KCNH5: variants seen among roughly 807,000 people sequenced by gnomAD.
The protein encoded by KCNH5 is voltage-gated delayed rectifier potassium channel KCNH5.
In KCNH5, 46 loss-of-function variants were observed where a neutral mutation model predicts 96.1. That is an observed-to-expected ratio of 0.48 (90% CI 0.38 to 0.61). KCNH5 has a LOEUF of 0.61. Among genes scored for constraint, KCNH5 ranks in the 20% least tolerant of loss-of-function variants. The pLI is 0.00. For missense variants in KCNH5, 907 were observed against 1,225.8 expected, an observed-to-expected ratio of 0.74 and a Z score of 3.88; for synonymous variants, 439 against 449.8, an observed-to-expected ratio of 0.98 and a Z score of 0.30.
At chr14:62,714,532 CAAAAAG>C (rs1884643172) in intron 10 of KCNH5, among the ~76,000 whole-genome samples, 1 of 152,070 alleles carries the variant, frequency 6.6e-6, no homozygotes, top group African/African-American at 2.4e-5. Context: ...AATTGTAACT[CAAAAAG>C]TAAAATGTCT....
At chr14:63,006,118 T>G (rs1891120550) in intron 3 of KCNH5, among the ~76,000 whole-genome samples, 1 of 152,332 alleles carries the variant, frequency 6.6e-6, no homozygotes, top group Non-Finnish European at 1.5e-5. Flanking sequence ...TTACAAAATA[T>G]TTTGCTGCCT....
chr14:62,802,488 T>A lies in KCNH5; in HGVS notation c.1663A>T (p.Ser555Cys). 6.2e-7 allele frequency: 1 copy of A among 1,614,110 alleles called. No homozygotes were observed. The highest frequency in any genetic ancestry group is 1.1e-5 in the South Asian group (1 of 91,088). Reference sequence around the variant, plus strand: ...GCCAAGGCGCGCAGACACCCATCGCTGGCCAATCGAAAAGCAGGATGTTCA... The same window carrying A: ...GCCAAGGCGCGCAGACACCCATCGCAGGCCAATCGAAAAGCAGGATGTTCA... ...FNEHPAFRLA[S>C]DGCLRALAVE... The change falls in exon 9 of 11, where the codon AGC becomes TGC. Residue 555 changes from serine (S) to cysteine (C), a missense_variant. Transcript: ENST00000322893.
At chr14:62,924,818 A>T (rs1318453225) in intron 7 of KCNH5, among the ~76,000 whole-genome samples, 1 of 151,870 alleles carries the variant, frequency 6.6e-6, no homozygotes, top group Non-Finnish European at 1.5e-5. Context: ...AAGTGGGGGA[A>T]ATGGGGAGAT....
intron 6 of KCNH5, among the ~76,000 whole-genome samples, chr14:62,955,794 A>T (rs1258874049): frequency 6.6e-6 from 1 of 152,172 alleles, no homozygotes; most frequent in Non-Finnish European, 1.5e-5. Flanking sequence ...TATAGTCTGC[A>T]GTTCTCTAAC....
intron 8 of KCNH5, among the ~76,000 whole-genome samples, chr14:62,829,616 A>G (rs958791154): frequency 3.3e-5 from 5 of 152,180 alleles, no homozygotes; most frequent in Admixed American, 3.3e-4. Context: ...GCAGGGCACC[A>G]TGTCCTGAGG....
At chr14:62,867,923 T>C (rs1413545906) in intron 7 of KCNH5, among the ~76,000 whole-genome samples, 1 of 152,208 alleles carries the variant, frequency 6.6e-6, no homozygotes, top group Non-Finnish European at 1.5e-5. Context: ...GCCATGCACA[T>C]AACCTGCTTT....
At chr14:62,789,153 A>G (rs1386807534) in intron 9 of KCNH5, among the ~76,000 whole-genome samples, 2 of 152,066 alleles carry the variant, frequency 1.3e-5, no homozygotes, top group African/African-American at 4.8e-5. Flanking sequence ...TTTTAAAAAG[A>G]TTCTACATAT....
chr14:62,773,054 C>T (rs926656012), intron 10 of KCNH5, among the ~76,000 whole-genome samples: 4 of 152,158 alleles, frequency 2.6e-5, no homozygotes, highest in Non-Finnish European at 4.4e-5. Flanking sequence ...TTATCCTTCC[C>T]TATTAAAAAT....
intron 6 of KCNH5, among the ~76,000 whole-genome samples, chr14:62,975,790 TA>T (rs766755787): frequency 4.6e-5 from 7 of 151,910 alleles, no homozygotes; most frequent in Non-Finnish European, 1.0e-4. Flanking sequence ...AAAAGGCATT[TA>T]AAAATAGAAA....
In KCNH5 at chr14:62,980,915, C is replaced by T. The variant is rs753919757; in HGVS notation, c.899G>A (p.Cys300Tyr). The change falls in exon 6 of 11, where the codon TGT becomes TAT. Residue 300 changes from cysteine (C) to tyrosine (Y), a missense_variant. Coordinates refer to ENST00000322893, the MANE Select transcript of KCNH5 (RefSeq NM_139318.5). ...GGCATTGATGATGTCATAAGGTAAA[C>T]AAGACAGCAGATCGATCACAAACCA... ...KTWFVIDLLSCLPYDIINAFE... is the reference protein window; with the variant it reads ...KTWFVIDLLSYLPYDIINAFE... 5.0e-6 allele frequency: 8 copies of T among 1,613,926 alleles called. No homozygotes were observed.
rs1214649459 is a variant in KCNH5, at chr14:62,704,263, T to C, written c.*3245A>G. The stretch of plus-strand genomic sequence containing the variant: ...AGGACATTTTTAGTCCTATACTTAA[T>C]GCAAGATGCAACTAGTGTCATAAAA... On this transcript the variant is annotated 3_prime_UTR_variant, in exon 11 of 11. Transcript: ENST00000322893. The C allele has an allele frequency of 1.3e-5, 2 of 151,900 alleles. No homozygotes were observed. The highest frequency in any genetic ancestry group is 2.1e-4 in the South Asian group (1 of 4,832). The allele number at this position is 151,900 out of a possible 1,614,324, so 9.4% of individuals were successfully genotyped here.
intron 1 of KCNH5, 81 bp downstream of exon 1, chr14:63,045,033 G>T: frequency 1.8e-6 from 2 of 1,121,994 alleles, no homozygotes; most frequent in Non-Finnish European, 2.7e-6. Context: ...CCCCCCTTGG[G>T]AGAGGGATGG....
chr14:62,927,124 G>C (rs1179492844), intron 7 of KCNH5, among the ~76,000 whole-genome samples: 1 of 152,074 alleles, frequency 6.6e-6, no homozygotes, highest in Non-Finnish European at 1.5e-5. Flanking sequence ...TATACAAAAA[G>C]CCAATAGTCA....
At position 62,704,469 on chromosome 14, in the gene KCNH5, A is replaced by G. The variant is rs1266938386; in HGVS notation, c.*3039T>C. 1 of 151,900 alleles carries G rather than the reference A, an allele frequency of 6.6e-6. No homozygotes were observed. The highest frequency in any genetic ancestry group is 1.5e-5 in the Non-Finnish European group (1 of 67,824). The allele number at this position is 151,900 out of a possible 1,614,324, so 9.4% of individuals were successfully genotyped here. A position where few individuals can be genotyped will look rare whatever the true frequency, so the allele number is the denominator to read the frequency against. ...CTGCTAGATCACATTTAGTGCAACA[A>G]TATCCTGATACAGACTGATAAAACC... On this transcript the variant is annotated 3_prime_UTR_variant, in exon 11 of 11. Transcript: ENST00000322893.
chr14:62,721,499 G>GCTCT (rs10567188), intron 10 of KCNH5, among the ~76,000 whole-genome samples: 52,248 of 149,010 alleles, frequency 0.35, 9,602 homozygotes, highest in South Asian at 0.52. Context: ...TCACTCACTC[G>GCTCT]CTCTCTCTCT....
At chr14:62,983,529 G>T (rs943811842) in intron 5 of KCNH5, among the ~76,000 whole-genome samples, 15 of 151,898 alleles carry the variant, frequency 9.9e-5, no homozygotes, top group African/African-American at 3.4e-4. Flanking sequence ...AATAGAAATT[G>T]AAACATCCTA....
intron 7 of KCNH5, among the ~76,000 whole-genome samples, chr14:62,934,140 T>C (rs947963090): frequency 3.3e-4 from 50 of 150,132 alleles, no homozygotes; most frequent in Admixed American, 6.6e-4. Context: ...TTCTTTCTTT[T>C]TTTTTTTTTG....
At chr14:63,009,926 T>C (rs1236748323) in intron 2 of KCNH5, among the ~76,000 whole-genome samples, 2 of 152,216 alleles carry the variant, frequency 1.3e-5, no homozygotes, top group Non-Finnish European at 2.9e-5. Flanking sequence ...TTAGAAACCA[T>C]ATATAATAAT....
chr14:62,866,982 C>T (rs1446248253), intron 7 of KCNH5, among the ~76,000 whole-genome samples: 1 of 152,136 alleles, frequency 6.6e-6, no homozygotes, highest in Non-Finnish European at 1.5e-5. Flanking sequence ...TTAACAGTAA[C>T]CAACTTTTAC....
Sources: allele counts gnomAD v4.1 joint callset (sites outside exome capture counted in the v4.1 genomes callset), GRCh38; gene constraint gnomAD v4.1.1; transcripts MANE v1.5; gene names NCBI Gene and HGNC (gene_info 2026-07-23, HGNC 2026-07-21).